WDR4: variants seen among roughly 807,000 people sequenced by gnomAD.
The protein encoded by WDR4 is tRNA (guanine-N(7)-)-methyltransferase non-catalytic subunit WDR4.
A neutral mutation model predicts 48.6 loss-of-function variants in WDR4; 47 were observed. The observed-to-expected ratio is 0.97, with a 90% CI of 0.77 to 1.23. WDR4 has a LOEUF of 1.23. Among genes scored for constraint, WDR4 ranks in the 50% most tolerant of loss-of-function variants. WDR4 has a pLI of 0.00. For missense variants in WDR4, 606 were observed against 551.6 expected (o/e 1.10, Z -0.99); for synonymous variants, 268 against 230.0 (o/e 1.17, Z -1.49).
intron 6 of WDR4, among the ~76,000 whole-genome samples, chr21:42,856,446 T>C (rs577615642): frequency 6.6e-6 from 1 of 152,204 alleles, no homozygotes; most frequent in Non-Finnish European, 1.5e-5. Flanking sequence ...CCCACTGCAC[T>C]GCAGTGGCTA....
chr21:42,867,888 C>T (rs1233069254), intron 3 of WDR4, among the ~76,000 whole-genome samples: 3 of 152,110 alleles, frequency 2.0e-5, no homozygotes, highest in Non-Finnish European at 4.4e-5. Context: ...CAGGTGCTTC[C>T]ATAAAGAGAA....
upstream of WDR4, chr21:42,879,675 T>C: frequency 1.5e-6 from 1 of 682,434 alleles, no homozygotes; most frequent in Non-Finnish European, 2.4e-6. Flanking sequence ...CTCCGGGTTG[T>C]GGCTGGTGGC....
intron 1 of WDR4, among the ~76,000 whole-genome samples, chr21:42,878,124 AG>A (rs1461317478): frequency 6.6e-6 from 1 of 152,224 alleles, no homozygotes; most frequent in East Asian, 1.9e-4. Flanking sequence ...AATTTCAAAG[AG>A]CCATTACTAT....
downstream of WDR4, among the ~76,000 whole-genome samples, chr21:42,848,985 G>A (rs1180317379): frequency 4.0e-5 from 5 of 126,198 alleles, no homozygotes; most frequent in South Asian, 2.8e-4. Flanking sequence ...ACACGATCAC[G>A]CAGCGTGCAC....
the WDR4 span, among the ~76,000 whole-genome samples, chr21:42,892,812 C>T: frequency 1.3e-5 from 2 of 152,174 alleles, no homozygotes; most frequent in Non-Finnish European, 2.9e-5. Context: ...GCCGCGTTGC[C>T]GACAGAGGGT....
At chr21:42,885,362 G>A in the WDR4 span, among the ~76,000 whole-genome samples, 1 of 151,964 alleles carries the variant, frequency 6.6e-6, no homozygotes, top group Non-Finnish European at 1.5e-5. Flanking sequence ...TGTAATCCTA[G>A]CACTTTGGGA....
chr21:42,878,192 C>T (rs1462384367), intron 1 of WDR4, among the ~76,000 whole-genome samples: 15 of 152,192 alleles, frequency 9.9e-5, no homozygotes, highest in Non-Finnish European at 7.3e-5. Context: ...CACTTACCAA[C>T]ATAAGAATCA....
intron 7 of WDR4, among the ~76,000 whole-genome samples, chr21:42,855,157 A>G (rs1159645068): frequency 6.6e-6 from 1 of 152,070 alleles, no homozygotes; most frequent in African/African-American, 2.4e-5. Flanking sequence ...TTTTTAAATG[A>G]AGGAAACTTC....
In WDR4 at chr21:42,853,745, C is replaced by G. The variant is rs1334489927; in HGVS notation, c.799G>C (p.Val267Leu). 8.4e-6 allele frequency: 13 copies of G among 1,556,170 alleles called. No homozygotes were observed. The highest frequency in any genetic ancestry group is 1.1e-5 in the Non-Finnish European group (13 of 1,149,852). Reference protein sequence around the residue: ...CVALLCDGTPVVYIFQLDARR... With the variant: ...CVALLCDGTPLVYIFQLDARR... The stretch of plus-strand genomic sequence containing the variant: ...GCGTCCAGCTGGAAGATGTAGACCA[C>G]AGGAGTGCTTGCCACGAAGAAAGAG... The change falls in exon 9 of 11, where the codon GTG becomes CTG. Residue 267 changes from valine (V) to leucine (L), a missense_variant. Coordinates refer to ENST00000398208, the MANE Select transcript of WDR4 (RefSeq NM_018669.6).
chr21:42,881,059 C>G (rs1362416853), upstream of WDR4, among the ~76,000 whole-genome samples: 1 of 152,114 alleles, frequency 6.6e-6, no homozygotes, highest in Non-Finnish European at 1.5e-5. Context: ...GCGCCCGCCA[C>G]CACGCCTGGC....
At chr21:42,861,369 G>GGGGGGTGGGGAGGGGGGAAGGA in intron 5 of WDR4, among the ~76,000 whole-genome samples, 1 of 138,500 alleles carries the variant, frequency 7.2e-6, no homozygotes, top group African/African-American at 2.6e-5. Flanking sequence ...GGGAGGGAGG[G>GGGGGGTGGGGAGGGGGGAAGGA]AGGGAGCAGT....
At chr21:42,865,044 G>T (rs571423583) in intron 3 of WDR4, among the ~76,000 whole-genome samples, 1 of 152,246 alleles carries the variant, frequency 6.6e-6, no homozygotes, top group South Asian at 2.1e-4. Flanking sequence ...TGTCCTCAAT[G>T]AGGCCCCTAT....
rs118100561 is a variant in WDR4 at position 42,859,033 on chromosome 21, T to C, written c.627+629A>G. Among the ~76,000 whole-genome samples, 1,049 of 152,168 alleles carry C rather than the reference T, an allele frequency of 6.9e-3. 6 individuals are homozygous for C. Among genetic ancestry groups the C allele is most frequent in the Admixed American group, 0.011 (164 of 15,286 alleles). On this transcript the variant is annotated intron_variant, in intron 6 of 10. Transcript: ENST00000398208. ...CTAACAATCCTTCTAACACATTCCTTAGAGAAAACACGTCTCTCATCACTA... is the reference window on the plus strand; with the variant it reads ...CTAACAATCCTTCTAACACATTCCTCAGAGAAAACACGTCTCTCATCACTA...
intron 6 of WDR4, among the ~76,000 whole-genome samples, chr21:42,857,270 G>A (rs2058017794): frequency 6.6e-6 from 1 of 152,062 alleles, no homozygotes; most frequent in Non-Finnish European, 1.5e-5. Flanking sequence ...ACCTCCCAGA[G>A]CCCCAGGGGA....
intron 6 of WDR4, among the ~76,000 whole-genome samples, chr21:42,859,355 T>G (rs2058063196): frequency 1.3e-5 from 2 of 152,140 alleles, no homozygotes; most frequent in South Asian, 4.1e-4. Flanking sequence ...GTCTACTGTT[T>G]CTACCTGAGA....
chr21:42,859,567 A>AGCGATCCACAGGGGCCT, intron 6 of WDR4, 95 bp downstream of exon 6: 1 of 1,360,264 alleles, frequency 7.4e-7, no homozygotes, highest in Non-Finnish European at 1.0e-6. Context: ...GCCAGGGGCC[A>AGCGATCCACAGGGGCCT]GCGATCCACA....
intron 3 of WDR4, among the ~76,000 whole-genome samples, chr21:42,869,524 C>G (rs1478618994): frequency 6.6e-6 from 1 of 152,180 alleles, no homozygotes; most frequent in Non-Finnish European, 1.5e-5. Flanking sequence ...ACCTTACACA[C>G]CTGTGCCACA....
At position 42,850,050 on chromosome 21, in the gene WDR4, C is replaced by A; in HGVS notation, c.1238G>T (p.Ter413LeuextTer12). 1 of 1,613,722 alleles carries A rather than the reference C, an allele frequency of 6.2e-7. No homozygotes were observed. Among genetic ancestry groups the A allele is most frequent in the Non-Finnish European group, 8.5e-7 (1 of 1,179,892 alleles). Residue 413 changes from the stop codon to leucine (L), a stop_lost, in exon 11 of 11, where the codon TGA (stop) becomes TTA (leucine). Transcript: ENST00000398208. ...GAGAGACACCACTGACCGCCACGAT[C>A]AGCAACTTAGCGTCGCCTCCCCCGG... ...MRPGEATLSC[*>L]
the WDR4 span, among the ~76,000 whole-genome samples, chr21:42,888,153 A>C: frequency 6.6e-6 from 1 of 152,264 alleles, no homozygotes; most frequent in South Asian, 2.1e-4. Context: ...TTGTTGAAAA[A>C]AGCTACATAT....
Sources: gnomAD v4.1 joint callset for allele counts (sites outside exome capture counted in the v4.1 genomes callset) on GRCh38, gnomAD v4.1.1 for gene constraint, MANE v1.5 for transcripts, NCBI Gene and HGNC (gene_info 2026-07-23, HGNC 2026-07-21) for gene names.